CDS1: variants seen among roughly 807,000 people sequenced by gnomAD.
CDS1 encodes the protein CDP-diacylglycerol synthase 1, also known as phosphatidate cytidylyltransferase 1.
In CDS1, 41 loss-of-function variants were observed where a neutral mutation model predicts 62.1. The observed-to-expected ratio is 0.66, with a 90% CI of 0.51 to 0.86. The LOEUF (loss-of-function observed/expected upper bound fraction) is 0.86. Among genes scored for constraint, CDS1 ranks in the 40% least tolerant of loss-of-function variants. The pLI is 0.00. For synonymous variants in CDS1, 185 were observed against 192.6 expected, an observed-to-expected ratio of 0.96 and a Z score of 0.32; for missense variants, 470 against 550.1, an observed-to-expected ratio of 0.85 and a Z score of 1.46.
chr4:84,640,452 A>G (rs1228077598), intron 9 of CDS1, among the ~76,000 whole-genome samples: 4 of 152,034 alleles, frequency 2.6e-5, no homozygotes. Flanking sequence ...GCTAAGAACA[A>G]TGGTGTTTTT....
intron 3 of CDS1, among the ~76,000 whole-genome samples, chr4:84,617,039 A>C (rs918582831): frequency 1.3e-5 from 2 of 152,208 alleles, no homozygotes; most frequent in Admixed American, 1.3e-4. Flanking sequence ...GGGAGGATGA[A>C]AAGGCCATTC....
intron 1 of CDS1, among the ~76,000 whole-genome samples, chr4:84,595,203 G>T (rs886066304): frequency 3.3e-5 from 5 of 152,088 alleles, no homozygotes; most frequent in African/African-American, 1.2e-4. Context: ...GTTTTCTGGA[G>T]CTGGTTTCTG....
chr4:84,631,260 G>C (rs1724010508), intron 5 of CDS1, among the ~76,000 whole-genome samples: 1 of 152,024 alleles, frequency 6.6e-6, no homozygotes, highest in African/African-American at 2.4e-5. Context: ...AAAGCCCTTT[G>C]TGCATTTTTC....
intron 1 of CDS1, among the ~76,000 whole-genome samples, chr4:84,585,750 C>T (rs1308452338): frequency 6.6e-6 from 1 of 152,164 alleles, no homozygotes; most frequent in Non-Finnish European, 1.5e-5. Flanking sequence ...AGGCTCTGTA[C>T]TCCAGATAAT....
At chr4:84,619,979 C>A (rs1431482414) in intron 5 of CDS1, among the ~76,000 whole-genome samples, 1 of 145,424 alleles carries the variant, frequency 6.9e-6, no homozygotes, top group African/African-American at 2.6e-5. Context: ...TTGCCGTGAG[C>A]TGAGATCACG....
In CDS1 at chr4:84,583,268, C is replaced by T. The variant is rs1220762351; in HGVS notation, c.-134C>T. The T allele has an allele frequency of 1.6e-5, 10 of 621,258 alleles. No homozygotes were observed. The highest frequency in any genetic ancestry group is 4.0e-5 in the South Asian group (2 of 50,198). The allele number at this position is 621,258 out of a possible 1,614,324, so 38.5% of individuals were successfully genotyped here. On this transcript the variant is annotated 5_prime_UTR_variant, in exon 1 of 13. Transcript: ENST00000295887. Reference sequence around the variant, plus strand: ...CGGCGGCCGCTCTATGGTGGGGCCGCGTTAGTGGCTGCGGCTCCGCGGGAC... The same window carrying T: ...CGGCGGCCGCTCTATGGTGGGGCCGTGTTAGTGGCTGCGGCTCCGCGGGAC...
chr4:84,605,914 G>A (rs1389295320), intron 2 of CDS1, among the ~76,000 whole-genome samples: 1 of 152,128 alleles, frequency 6.6e-6, no homozygotes, highest in Non-Finnish European at 1.5e-5. Flanking sequence ...CAAGGGTCAT[G>A]TAGCTAGTAA....
chr4:84,592,161 T>TTTC (rs1308863494), intron 1 of CDS1, among the ~76,000 whole-genome samples: 1 of 132,350 alleles, frequency 7.6e-6, no homozygotes, highest in Non-Finnish European at 1.6e-5. Flanking sequence ...CCAATTTTTT[T>TTTC]TTTTTTTTTT....
intron 3 of CDS1, among the ~76,000 whole-genome samples, chr4:84,613,757 A>G (rs1448372535): frequency 1.3e-5 from 2 of 152,210 alleles, no homozygotes; most frequent in African/African-American, 4.8e-5. Context: ...TGGAGTTACT[A>G]AAGCATGTTT....
intron 5 of CDS1, among the ~76,000 whole-genome samples, chr4:84,623,242 T>G (rs145643527): frequency 1.1e-3 from 163 of 152,342 alleles, no homozygotes; most frequent in African/African-American, 3.7e-3. Flanking sequence ...ACCCTCACTT[T>G]GCTGAAGCAT....
At chr4:84,592,798 G>A (rs773310616) in intron 1 of CDS1, among the ~76,000 whole-genome samples, 2 of 152,070 alleles carry the variant, frequency 1.3e-5, no homozygotes, top group Non-Finnish European at 2.9e-5. Flanking sequence ...TTTATTTGCC[G>A]GAACCCATGG....
At chr4:84,609,207 G>GA (rs1723238261) in intron 2 of CDS1, among the ~76,000 whole-genome samples, 1 of 146,090 alleles carries the variant, frequency 6.8e-6, no homozygotes, top group African/African-American at 2.6e-5. Context: ...AAAAAGAAAA[G>GA]AAAAATTATT....
intron 1 of CDS1, among the ~76,000 whole-genome samples, chr4:84,584,941 G>T (rs1722370113): frequency 2.0e-5 from 3 of 152,120 alleles, no homozygotes; most frequent in Non-Finnish European, 4.4e-5. Context: ...AATTAGGTTG[G>T]GATTTGTTTT....
At position 84,646,067 on chromosome 4, in the gene CDS1, G is replaced by A. The variant is rs1324055003; in HGVS notation, c.1256+742G>A. Among the ~76,000 whole-genome samples the A allele has an allele frequency of 3.3e-5, 5 of 152,134 alleles. No homozygotes were observed. In the East Asian group the frequency reaches 7.7e-4, roughly 23 times the overall value. Reference sequence around the variant, plus strand: ...TTATTTTCTGTGGTCTCTACTGGGGGCCCAGAAGGCAGAATGCTTATTAAT... The same window carrying A: ...TTATTTTCTGTGGTCTCTACTGGGGACCCAGAAGGCAGAATGCTTATTAAT... On this transcript the variant is annotated intron_variant, in intron 12 of 12. Coordinates refer to ENST00000295887, the MANE Select transcript of CDS1 (RefSeq NM_001263.4).
At chr4:84,624,177 G>A (rs907916665) in intron 5 of CDS1, among the ~76,000 whole-genome samples, 9 of 151,478 alleles carry the variant, frequency 5.9e-5, no homozygotes, top group Non-Finnish European at 1.0e-4. Context: ...GGGAGGCTGA[G>A]GCGGGAGAAT....
intron 1 of CDS1, among the ~76,000 whole-genome samples, chr4:84,586,328 C>A (rs964676443): frequency 6.6e-6 from 1 of 152,124 alleles, no homozygotes; most frequent in South Asian, 2.1e-4. Context: ...AATAATTATA[C>A]AACTCACCAT....
chr4:84,648,437 A>G, intron 12 of CDS1, 120 bp from the exon 13 acceptor site: 1 of 872,462 alleles, frequency 1.1e-6, no homozygotes, highest in Non-Finnish European at 1.7e-6. Context: ...GAGCTATTTT[A>G]ATTCTGTAAA....
chr4:84,648,494 T>TA, intron 12 of CDS1, 63 bp from the exon 13 acceptor site: 1 of 1,456,760 alleles, frequency 6.9e-7, no homozygotes, highest in Non-Finnish European at 9.4e-7. Flanking sequence ...AAATTGGAGG[T>TA]ATGTGCTTCA....
rs76828408 is a variant in CDS1, at chr4:84,598,322, A to G, written c.118-5921A>G. On this transcript the variant is annotated intron_variant, in intron 1 of 12. Coordinates refer to ENST00000295887, the MANE Select transcript of CDS1 (RefSeq NM_001263.4). ...GGCTTAATTGCAAATCTTAATGCTGAACTGAGCTACAGGGATCAGTGTCCA... is the reference window on the plus strand; with the variant it reads ...GGCTTAATTGCAAATCTTAATGCTGGACTGAGCTACAGGGATCAGTGTCCA... Among the ~76,000 whole-genome samples, 1,123 of 151,764 alleles carry G rather than the reference A, an allele frequency of 7.4e-3. 23 individuals are homozygous for G. The highest frequency in any genetic ancestry group is 0.026 in the African/African-American group (1,060 of 41,414).
Sources: gnomAD v4.1 joint callset for allele counts (sites outside exome capture counted in the v4.1 genomes callset) on GRCh38, gnomAD v4.1.1 for gene constraint, MANE v1.5 for transcripts, NCBI Gene and HGNC (gene_info 2026-07-23, HGNC 2026-07-21) for gene names.